Variants in ARHGAP35 observed in about 807,000 individuals in gnomAD.
ARHGAP35 encodes rho GTPase-activating protein 35.
Under a neutral mutation model 111.1 loss-of-function variants are expected in ARHGAP35, and 15 were observed. The observed-to-expected ratio is 0.13, with a 90% CI of 0.09 to 0.21. The LOEUF is 0.21. Among genes scored for constraint, ARHGAP35 ranks in the 10% least tolerant of loss-of-function variants. The probability of loss-of-function intolerance (pLI) is 1.00; values close to 1 mark genes in which losing one functional copy is unlikely to be tolerated. For synonymous variants in ARHGAP35, 643 were observed against 710.3 expected (o/e 0.91, Z 1.51); for missense variants, 1,262 against 1,873.0 (o/e 0.67, Z 6.02).
chr19:46,943,056 A>G (rs1383843752), intron 3 of ARHGAP35, among the ~76,000 whole-genome samples: 1 of 147,148 alleles, frequency 6.8e-6, no homozygotes, highest in Non-Finnish European at 1.5e-5. Flanking sequence ...TTTTTTTTTT[A>G]AAGAGACAGA....
intron 1 of ARHGAP35, among the ~76,000 whole-genome samples, chr19:46,879,068 A>G (rs745643831): frequency 6.6e-6 from 1 of 152,214 alleles, no homozygotes; most frequent in Non-Finnish European, 1.5e-5. Flanking sequence ...CCCTGCTGCT[A>G]CTTTATCAGC....
At chr19:46,944,751 A>G (rs934641642) in intron 3 of ARHGAP35, among the ~76,000 whole-genome samples, 1 of 152,184 alleles carries the variant, frequency 6.6e-6, no homozygotes, top group African/African-American at 2.4e-5. Context: ...AGATCACAAG[A>G]AAAAAGATCA....
At position 46,918,563 on chromosome 19, in the gene ARHGAP35, C is replaced by A; in HGVS notation, c.-113C>A. 1.9e-6 allele frequency: 2 copies of A among 1,029,238 alleles called. No individual in the cohort carries two copies. Among genetic ancestry groups the A allele is most frequent in the Admixed American group, 2.2e-5 (1 of 45,884 alleles). 63.8% of individuals were successfully genotyped at this position (1,029,238 alleles called of 1,614,324 possible). On this transcript the variant is annotated 5_prime_UTR_variant, in exon 2 of 7. Transcript: ENST00000672722. The surrounding 1 kb of genome is among the most constrained non-coding windows in gnomAD (Gnocchi z 5.4). Reference sequence around the variant, plus strand: ...TGGTATACAACACTATGGGACCTGGCATTTTTGCTGCATGTCCAGCCCACC... The same window carrying A: ...TGGTATACAACACTATGGGACCTGGAATTTTTGCTGCATGTCCAGCCCACC...
At chr19:46,950,168 TG>T (rs925908666) in intron 3 of ARHGAP35, among the ~76,000 whole-genome samples, 2 of 152,262 alleles carry the variant, frequency 1.3e-5, no homozygotes, top group African/African-American at 4.8e-5. Flanking sequence ...TGCACATTTT[TG>T]TACCTGGCTT....
rs749562549 is a variant in ARHGAP35, at chr19:46,919,978, G to A, written c.1303G>A (p.Ala435Thr). ...AAGGAAAAGAGTTGAGATGCGAAGG[G>A]CGTTTAAAGAAAACCTGGAGACTTC... ...NERKRVEMRR[A>T]FKENLETSPF... The change falls in exon 2 of 7, where the codon GCG (alanine) becomes ACG (threonine). Residue 435 changes from alanine (A) to threonine (T), a missense_variant. By Grantham distance (58) the Ala-to-Thr change is moderately conservative (BLOSUM62 0). Around this residue, in one of 8 missense-constraint regions of ARHGAP35, gnomAD observed 328 missense variants for 440.8 expected, o/e 0.74. Coordinates refer to ENST00000672722, the MANE Select transcript of ARHGAP35 (RefSeq NM_004491.5). The surrounding 1 kb of genome is among the most constrained non-coding windows in gnomAD (Gnocchi z 6.2). 6.2e-7 allele frequency: 1 copy of A among 1,613,992 alleles called. No individual in the cohort carries two copies. The highest frequency in any genetic ancestry group is 1.1e-5 in the South Asian group (1 of 91,086).
At chr19:46,898,052 G>A (rs1306185766) in intron 1 of ARHGAP35, among the ~76,000 whole-genome samples, 1 of 152,084 alleles carries the variant, frequency 6.6e-6, no homozygotes, top group African/African-American at 2.4e-5. Flanking sequence ...CAGGAGTTCG[G>A]CTAACATGGT....
intron 3 of ARHGAP35, among the ~76,000 whole-genome samples, chr19:46,971,452 G>A (rs1021937751): frequency 4.0e-5 from 6 of 151,748 alleles, no homozygotes; most frequent in African/African-American, 1.5e-4. Context: ...GTATCAGGGT[G>A]TAATGACTCC....
rs1250832142 is a variant in ARHGAP35 at position 46,992,026 on chromosome 19, A to G, written c.4036+2351A>G. On this transcript the variant is annotated intron_variant, in intron 5 of 6. Coordinates refer to ENST00000672722, the MANE Select transcript of ARHGAP35 (RefSeq NM_004491.5). The surrounding 1 kb of genome is among the most constrained non-coding windows in gnomAD (Gnocchi z 4.4). The stretch of plus-strand genomic sequence containing the variant: ...GAACACTGCTGAAAATGTACTCGCA[A>G]AATAGAGACGTTTGTGATTATTTGC... 6.6e-6 allele frequency among the ~76,000 whole-genome samples: 1 copy of G among 152,218 alleles called. No individual in the cohort carries two copies. Among genetic ancestry groups the G allele is most frequent in the Admixed American group, 6.5e-5 (1 of 15,280 alleles).
At chr19:46,892,305 AAAAAAAAAAAAG>A (rs2056028954) in intron 1 of ARHGAP35, among the ~76,000 whole-genome samples, 1 of 148,768 alleles carries the variant, frequency 6.7e-6, no homozygotes, top group Non-Finnish European at 1.5e-5. Context: ...TTTGTCTCAA[AAAAAAAAAAAAG>A]AAAAAAAAAA....
intron 2 of ARHGAP35, among the ~76,000 whole-genome samples, chr19:46,930,507 G>A (rs2056266961): frequency 6.9e-6 from 1 of 145,702 alleles, no homozygotes; most frequent in South Asian, 2.3e-4. Context: ...GAATCCAACA[G>A]GCTGGGTTCT....
chr19:46,862,509 T>A (rs1333697594), intron 1 of ARHGAP35, among the ~76,000 whole-genome samples: 2 of 152,116 alleles, frequency 1.3e-5, no homozygotes, highest in East Asian at 3.9e-4. Flanking sequence ...CCTCCCGGGC[T>A]GGTCACCCAT....
At chr19:46,928,125 G>A (rs576782372) in intron 2 of ARHGAP35, among the ~76,000 whole-genome samples, 40 of 152,272 alleles carry the variant, frequency 2.6e-4, no homozygotes, top group African/African-American at 6.5e-4. Flanking sequence ...GGTGTCACTC[G>A]ATTCTCAGTT....
chr19:46,915,228 C>T (rs544021753), intron 1 of ARHGAP35, among the ~76,000 whole-genome samples: 1 of 152,236 alleles, frequency 6.6e-6, no homozygotes, highest in African/African-American at 2.4e-5. Flanking sequence ...TAAGCAATCG[C>T]CTAGAAAAGT....
At chr19:46,904,444 C>T (rs1178960470) in intron 1 of ARHGAP35, among the ~76,000 whole-genome samples, 2 of 152,140 alleles carry the variant, frequency 1.3e-5, no homozygotes, top group Non-Finnish European at 2.9e-5. Context: ...CTTCTGTCAG[C>T]GAGACACAGG....
rs958326387 is a variant in ARHGAP35, at chr19:46,918,254, T to C, written c.-188-234T>C. Among the ~76,000 whole-genome samples the C allele has an allele frequency of 1.2e-4, 18 of 152,174 alleles. No homozygotes were observed. The highest frequency in any genetic ancestry group is 9.2e-4 in the Admixed American group (14 of 15,276). ...AGCCCTCACACCCTTGTTTTAGCAC[T>C]TAGCACACTGTTTACTTATGTTTTC... is the stretch of plus-strand genomic sequence containing the variant. On this transcript the variant is annotated intron_variant, in intron 1 of 6. Transcript: ENST00000672722. This position sits in a 1 kb window ranked among gnomAD's most constrained non-coding sequence, Gnocchi z 5.4.
intron 3 of ARHGAP35, among the ~76,000 whole-genome samples, chr19:46,953,290 TC>T (rs2056422392): frequency 6.6e-6 from 1 of 152,098 alleles, no homozygotes. Flanking sequence ...GTATGAAATG[TC>T]CGGGGTGAAC....
At chr19:46,996,455 C>A (rs2056708417) in intron 5 of ARHGAP35, among the ~76,000 whole-genome samples, 1 of 152,028 alleles carries the variant, frequency 6.6e-6, no homozygotes, top group African/African-American at 2.4e-5. Context: ...CCCTCCCCAC[C>A]CCCTGAAGAA....
At chr19:46,924,214 G>C (rs1473142657) in intron 2 of ARHGAP35, among the ~76,000 whole-genome samples, 2 of 152,166 alleles carry the variant, frequency 1.3e-5, no homozygotes, top group Non-Finnish European at 2.9e-5. Flanking sequence ...GAAGGTTCTA[G>C]AATCCAGGCT....
At chr19:46,987,962 C>T (rs372615039) in intron 3 of ARHGAP35, 27 bp from the exon 4 acceptor site, 195 of 1,611,808 alleles carry the variant, frequency 1.2e-4, no homozygotes, top group Non-Finnish European at 1.4e-4. Flanking sequence ...AGTTCCTGCT[C>T]CTAAGACCCT....
Sources: gnomAD v4.1 joint callset for allele counts (sites outside exome capture counted in the v4.1 genomes callset) on GRCh38, gnomAD v4.1.1 for gene constraint, gnomAD v4.1.1 regional missense constraint, Gnocchi (gnomAD v3.1) non-coding constraint, MANE v1.5 for transcripts, NCBI Gene and HGNC (gene_info 2026-07-23, HGNC 2026-07-21) for gene names.